OARD1: variants seen among roughly 807,000 people sequenced by gnomAD.
The protein encoded by OARD1 is ADP-ribose glycohydrolase OARD1.
A neutral mutation model predicts 19.7 loss-of-function variants in OARD1; 19 were observed. That is an observed-to-expected ratio of 0.96 (90% confidence interval 0.67 to 1.41). The LOEUF (loss-of-function observed/expected upper bound fraction) is 1.41. OARD1 is among the 40% of genes most tolerant of loss of function. The pLI, the probability that OARD1 is intolerant of heterozygous loss-of-function variation, is 0.00. For synonymous variants in OARD1, 70 were observed against 61.8 expected (o/e 1.13, Z -0.62); for missense variants, 190 against 183.8 (o/e 1.03, Z -0.20).
At chr6:41,096,628 G>A (rs1764363542) in intron 1 of OARD1, among the ~76,000 whole-genome samples, 1 of 152,204 alleles carries the variant, frequency 6.6e-6, no homozygotes, top group African/African-American at 2.4e-5. Flanking sequence ...AAGGCTTTCA[G>A]CTTTTTCTCA....
upstream of OARD1, among the ~76,000 whole-genome samples, chr6:41,074,641 T>A (rs1001284528): frequency 6.6e-6 from 1 of 152,210 alleles, no homozygotes; most frequent in African/African-American, 2.4e-5. Context: ...GATAGGGAAG[T>A]GGGCAGTAGT....
rs1357071646 is a variant in OARD1, at chr6:41,066,227, A to C, written c.*1108T>G. The C allele has an allele frequency of 4.6e-5, 7 of 152,198 alleles. No individual in the cohort carries two copies. The highest frequency in any genetic ancestry group is 1.0e-4 in the Non-Finnish European group (7 of 68,066). 9.4% of individuals were successfully genotyped at this position (152,198 alleles called of 1,614,324 possible). A position where few individuals can be genotyped will look rare whatever the true frequency, so the allele number is the denominator to read the frequency against. ...ATGCAACTTCAACCTCCCAGGCTCA[A>C]GCCATCCTCCCGCCTCAACCTCTAG... is the stretch of plus-strand genomic sequence containing the variant. On this transcript the variant is annotated 3_prime_UTR_variant, in exon 6 of 6. Coordinates refer to ENST00000424266, the MANE Select transcript of OARD1 (RefSeq NM_001329686.2).
chr6:41,089,474 C>T, intron 1 of OARD1: 1 of 1,304,428 alleles, frequency 7.7e-7, no homozygotes. Flanking sequence ...CTTTTTTCCT[C>T]TTCAGAACAT....
chr6:41,091,716 C>G, intron 1 of OARD1: 1 of 1,602,864 alleles, frequency 6.2e-7, no homozygotes, highest in Non-Finnish European at 8.5e-7. Flanking sequence ...TATTTTTCAG[C>G]TTTGTCTTTG....
chr6:41,080,954 C>A, intron 1 of OARD1: 1 of 1,386,018 alleles, frequency 7.2e-7, no homozygotes, highest in Non-Finnish European at 1.0e-6. Context: ...CTCCTCATGT[C>A]TGGTGCTGTT....
At position 41,070,088 on chromosome 6, in the gene OARD1, A is replaced by G. The variant is rs1763250585; in HGVS notation, c.231T>C (p.Tyr77=). 3 of 1,589,490 alleles carry G rather than the reference A, an allele frequency of 1.9e-6. No homozygotes were observed. Among genetic ancestry groups the G allele is most frequent in the Non-Finnish European group, 2.6e-6 (3 of 1,157,842 alleles). The change falls in exon 4 of 6, where the codon TAT becomes TAC. Residue 77 remains tyrosine, a synonymous_variant. Transcript: ENST00000424266. The part of the protein sequence containing the change: ...EVAVLKRDGR[Y]IYYLITKKRA... ...GGCCCCATCTTACCAAGTAATATAT[A>G]TATCGCCCATCTCTCTTCAGAACAG...
At chr6:41,071,375 G>C in intron 2 of OARD1, 99 bp from the exon 3 acceptor site, 1 of 1,219,234 alleles carries the variant, frequency 8.2e-7, no homozygotes, top group Non-Finnish European at 1.2e-6. Context: ...ACCTCTCCCG[G>C]CACCCCTTCC....
chr6:41,090,381 T>C (rs775111138), intron 1 of OARD1: 9 of 884,324 alleles, frequency 1.0e-5, no homozygotes, highest in African/African-American at 1.7e-5. Flanking sequence ...CTGACATCTT[T>C]AGAATTTGAG....
chr6:41,090,129 T>G (rs770928703), intron 1 of OARD1: 3 of 1,016,798 alleles, frequency 3.0e-6, no homozygotes. Flanking sequence ...AATAATTTTT[T>G]TTTTTAAGGA....
upstream of OARD1, among the ~76,000 whole-genome samples, chr6:41,074,583 A>G (rs1176675706): frequency 6.6e-6 from 1 of 152,232 alleles, no homozygotes; most frequent in Non-Finnish European, 1.5e-5. Context: ...AAGAGAAGAA[A>G]AGCATGTGCA....
At position 41,089,025 on chromosome 6, in the gene OARD1, G is replaced by A. The variant is rs112185315; in HGVS notation, c.-42+8688C>T. On this transcript the variant is annotated intron_variant, in intron 1 of 4. Transcript: ENST00000480585. ...TTTTGAGACGGAATCTCGCTCTGTC[G>A]CCCAGGCTGGAGTGCAGTGGCGTGA... 2.8e-3 allele frequency among the ~76,000 whole-genome samples: 430 copies of A among 151,936 alleles called. 1 individual carries two copies. The highest frequency in any genetic ancestry group is 4.5e-3 in the Non-Finnish European group (309 of 67,974).
At chr6:41,096,260 A>T (rs1764353155) in intron 1 of OARD1, among the ~76,000 whole-genome samples, 1 of 152,204 alleles carries the variant, frequency 6.6e-6, no homozygotes, top group Non-Finnish European at 1.5e-5. Flanking sequence ...ATGAACACTA[A>T]CAACTCTTTC....
chr6:41,068,655 C>A (rs1377226957), intron 5 of OARD1, among the ~76,000 whole-genome samples, 186 bp downstream of exon 5: 2 of 152,234 alleles, frequency 1.3e-5, no homozygotes, highest in Non-Finnish European at 2.9e-5. Flanking sequence ...TCAACTCAAG[C>A]TAGAAAATGG....
chr6:41,071,055 G>C (rs762494028), intron 3 of OARD1, 77 bp downstream of exon 3: 1 of 1,392,890 alleles, frequency 7.2e-7, no homozygotes, highest in East Asian at 2.3e-5. Context: ...CTCTTTACAC[G>C]CATATTTTAT....
upstream of OARD1, chr6:41,075,126 T>G (rs1487507414): frequency 2.6e-5 from 4 of 152,240 alleles, no homozygotes; most frequent in East Asian, 7.7e-4. Flanking sequence ...TTATCCGCAT[T>G]AGCAGATGAG....
At chr6:41,090,176 G>A (rs776578761) in intron 1 of OARD1, 3 of 1,432,116 alleles carry the variant, frequency 2.1e-6, no homozygotes, top group East Asian at 4.6e-5. Context: ...GGGATCTGTT[G>A]AATTGTGTCA....
chr6:41,075,589 A>C (rs1257617032), upstream of OARD1: 1 of 151,916 alleles, frequency 6.6e-6, no homozygotes, highest in Non-Finnish European at 1.5e-5. Flanking sequence ...ATGCTGAAAT[A>C]TTTCTGTTCT....
chr6:41,073,459 G>T (rs1412516992), upstream of OARD1, among the ~76,000 whole-genome samples: 3 of 152,002 alleles, frequency 2.0e-5, no homozygotes, highest in African/African-American at 7.2e-5. Flanking sequence ...GCGCGCCCTG[G>T]GCCTCGGCGA....
intron 1 of OARD1, among the ~76,000 whole-genome samples, chr6:41,094,163 T>C (rs535064850): frequency 6.6e-6 from 1 of 152,292 alleles, no homozygotes; most frequent in South Asian, 2.1e-4. Context: ...GTTATTTTTT[T>C]TAAAAAAAAT....
Sources: allele counts gnomAD v4.1 joint callset (sites outside exome capture counted in the v4.1 genomes callset), GRCh38; gene constraint gnomAD v4.1.1; transcripts MANE v1.5; gene names NCBI Gene and HGNC (gene_info 2026-07-23, HGNC 2026-07-21).